Variants in PXDN observed in about 807,000 individuals in gnomAD.
PXDN encodes the protein peroxidasin homolog.
In PXDN, 77 loss-of-function variants were observed where a neutral mutation model predicts 140.3. That is an observed-to-expected ratio of 0.55 (90% confidence interval 0.46 to 0.66). The LOEUF (loss-of-function observed/expected upper bound fraction) is 0.66, where lower values mean the gene tolerates loss of function less well. PXDN is among the 30% of genes least tolerant of loss of function. The probability of loss-of-function intolerance (pLI) is 0.00; values close to 1 mark genes in which losing one functional copy is unlikely to be tolerated. For missense variants in PXDN, 1,838 were observed against 2,039.5 expected (o/e 0.90, Z 1.90); for synonymous variants, 911 against 857.4 (o/e 1.06, Z -1.09).
At chr2:1,693,262 C>T in intron 1 of PXDN, 128 bp from the exon 2 acceptor site, 1 of 682,480 alleles carries the variant, frequency 1.5e-6, no homozygotes, top group East Asian at 2.8e-5. Context: ...TTCACTCCTT[C>T]AATGAATCTT....
In PXDN at chr2:1,693,089, G is replaced by A; in HGVS notation, c.246C>T (p.Phe82=). Residue 82 remains phenylalanine (F), a synonymous_variant, in exon 2 of 23, where the codon TTC becomes TTT. Transcript: ENST00000252804. Reference sequence around the variant, plus strand: ...ATGTGTTCAAGTTCCTCAGCCGCCTGAATGCCCCAGGTTGGATCTCTCTGA... The same window carrying A: ...ATGTGTTCAAGTTCCTCAGCCGCCTAAATGCCCCAGGTTGGATCTCTCTGA... The part of the protein sequence containing the change: ...NRIREIQPGA[F]RRLRNLNTLL... 6.4e-7 allele frequency: 1 copy of A among 1,558,898 alleles called. No homozygotes were observed. Among genetic ancestry groups the A allele is most frequent in the Non-Finnish European group, 8.7e-7 (1 of 1,149,458 alleles).
Position 1,649,252 on chromosome 2 carries a change from T to C in PXDN, c.2528A>G (p.Asp843Gly). 1 of 1,613,100 alleles carries C rather than the reference T, an allele frequency of 6.2e-7. No individual in the cohort carries two copies. The highest frequency in any genetic ancestry group is 8.5e-7 in the Non-Finnish European group (1 of 1,179,746). ...VVALSQARFS[D>G]GQHCSNVCSN... ...GCACACGTTGCTGCAGTGCTGTCCG[T>C]CGGAGAAGCGTGCCTGGCTCAGGGC... Residue 843 changes from aspartate to glycine, a missense_variant, in exon 17 of 23, where the codon GAC becomes GGC. Physicochemically the swap from Asp to Gly is moderately conservative, Grantham distance 94. Transcript: ENST00000252804. The surrounding 1 kb of genome is among the most constrained non-coding windows in gnomAD (Gnocchi z 7.1).
intron 17 of PXDN, among the ~76,000 whole-genome samples, chr2:1,646,818 G>A (rs986148169): frequency 2.0e-5 from 3 of 152,234 alleles, no homozygotes; most frequent in Non-Finnish European, 4.4e-5. Flanking sequence ...CTAATACACA[G>A]TGACCTGTGA....
chr2:1,700,408 T>C (rs6721636), intron 1 of PXDN, among the ~76,000 whole-genome samples: 5,193 of 152,170 alleles, frequency 0.034, 301 homozygotes, highest in African/African-American at 0.12. Flanking sequence ...CATCTTAACA[T>C]GTTACCTAAG....
chr2:1,726,442 G>A (rs544648399), intron 1 of PXDN, among the ~76,000 whole-genome samples: 2 of 137,820 alleles, frequency 1.5e-5, no homozygotes, highest in Non-Finnish European at 3.0e-5. Context: ...GTCGGGGGAG[G>A]GGGGGAGGGA....
At position 1,743,961 on chromosome 2, in the gene PXDN, A is replaced by C. The variant is rs73182754; in HGVS notation, c.200+295T>G. 0.35 allele frequency among the ~76,000 whole-genome samples: 53,826 copies of C among 151,638 alleles called. 10,427 individuals are homozygous for C. The highest frequency in any genetic ancestry group is 0.58 in the East Asian group (2,936 of 5,036). On this transcript the variant is annotated intron_variant, in intron 1 of 22. Coordinates refer to ENST00000252804, the MANE Select transcript of PXDN (RefSeq NM_012293.3). ...GCCCCGGAGGCTCCAACAACTTCCCAGTCCTGCGGGGATTCCGAGTTCCGA... is the reference window on the plus strand; with the variant it reads ...GCCCCGGAGGCTCCAACAACTTCCCCGTCCTGCGGGGATTCCGAGTTCCGA...
intron 21 of PXDN, among the ~76,000 whole-genome samples, chr2:1,637,571 C>A (rs868172349): frequency 9.6e-6 from 1 of 104,620 alleles, no homozygotes; most frequent in South Asian, 3.4e-4. Context: ...AGCTGCCAGG[C>A]GATGTACACC....
rs752175628 is a variant in PXDN, at chr2:1,673,757, G to A, written c.904C>T (p.Leu302=). Residue 302 remains leucine (L), a synonymous_variant, in exon 9 of 23, where the codon CTG becomes TTG. Coordinates refer to ENST00000252804, the MANE Select transcript of PXDN (RefSeq NM_012293.3). ...GTCTCCTGTGTGTTCTGGATCATCA[G>A]GGTCCCATCGTCCAGCAAGTTTAGG... ...SRLNLLDDGT[L]MIQNTQETDQ... 1 of 1,613,988 alleles carries A rather than the reference G, an allele frequency of 6.2e-7. No individual in the cohort carries two copies. Among genetic ancestry groups the A allele is most frequent in the East Asian group, 2.2e-5 (1 of 44,880 alleles).
At position 1,649,221 on chromosome 2, in the gene PXDN, G is replaced by A. The variant is rs566474453; in HGVS notation, c.2559C>T (p.Asn853=). Residue 853 remains asparagine, a synonymous_variant, in exon 17 of 23, where the codon AAC becomes AAT. Transcript: ENST00000252804. This position sits in a 1 kb window ranked among gnomAD's most constrained non-coding sequence, Gnocchi z 7.1. ...DGQHCSNVCS[N]DPPCFSVMIP... is the part of the protein sequence containing the mutation. ...TCATGACAGAGAAGCAGGGGGGGTC[G>A]TTGCTGCACACGTTGCTGCAGTGCT... 10 of 1,612,738 alleles carry A rather than the reference G, an allele frequency of 6.2e-6. No homozygotes were observed. The highest frequency in any genetic ancestry group is 5.0e-5 in the Admixed American group (3 of 59,944).
chr2:1,664,770 T>G, intron 11 of PXDN, 188 bp downstream of exon 11: 1 of 574,032 alleles, frequency 1.7e-6, no homozygotes, highest in Non-Finnish European at 3.1e-6. Context: ...GGGACGGCCA[T>G]GCATGGACAG....
intron 14 of PXDN, among the ~76,000 whole-genome samples, chr2:1,656,114 C>T (rs182137007): frequency 1.8e-3 from 272 of 151,718 alleles, no homozygotes; most frequent in African/African-American, 6.3e-3. Context: ...CAAACACACA[C>T]CCCAAACACC....
At chr2:1,675,527 C>T (rs1394821680) in intron 8 of PXDN, among the ~76,000 whole-genome samples, 2 of 152,166 alleles carry the variant, frequency 1.3e-5, no homozygotes, top group African/African-American at 4.8e-5. Context: ...AGTGACTGCA[C>T]CTTACAGGCT....
At chr2:1,679,415 G>T (rs28622409) in intron 7 of PXDN, among the ~76,000 whole-genome samples, 1 of 135,730 alleles carries the variant, frequency 7.4e-6, no homozygotes, top group South Asian at 2.3e-4. Context: ...TGGTATGTGC[G>T]TGTGTGGTGT....
intron 3 of PXDN, among the ~76,000 whole-genome samples, chr2:1,690,655 A>AG (rs1684164946): frequency 6.6e-6 from 1 of 150,718 alleles, no homozygotes; most frequent in African/African-American, 2.4e-5. Context: ...TACCAAAAAA[A>AG]AAAAAAAAAA....
rs576067741 is a variant in PXDN at position 1,668,095 on chromosome 2, G to A, written c.1019-1609C>T. 2.4e-4 allele frequency among the ~76,000 whole-genome samples: 37 copies of A among 152,248 alleles called. No homozygotes were observed. The East Asian group carries it at 4.1e-3, about 17-fold the overall frequency. On this transcript the variant is annotated intron_variant, in intron 9 of 22. Coordinates refer to ENST00000252804, the MANE Select transcript of PXDN (RefSeq NM_012293.3). ...ACCAAAACAACACGATAGTGCTACC[G>A]AAACAGAGATATAGACAATAGAACA... is the stretch of plus-strand genomic sequence containing the variant.
At chr2:1,702,991 G>GGGCAACTCCAGGTGAAGGTA (rs1684473839) in intron 1 of PXDN, among the ~76,000 whole-genome samples, 1 of 85,570 alleles carries the variant, frequency 1.2e-5, no homozygotes, top group Non-Finnish European at 2.5e-5. Flanking sequence ...CAGGTGAAGG[G>GGGCAACTCCAGGTGAAGGTA]GGGGACAACT....
At position 1,648,642 on chromosome 2, in the gene PXDN, C is replaced by T. The variant is rs147695468; in HGVS notation, c.3138G>A (p.Thr1046=). 515 of 1,610,828 alleles carry T rather than the reference C, an allele frequency of 3.2e-4. 2 individuals are homozygous for T. The African/African-American group carries it at 6.1e-3, about 19-fold the overall frequency. The change falls in exon 17 of 23, where the codon ACG becomes ACA. Residue 1046 remains threonine (T), a synonymous_variant. Transcript: ENST00000252804. The surrounding 1 kb of genome is among the most constrained non-coding windows in gnomAD (Gnocchi z 8.9). ...PKILGEVGMR[T]LGEYHGYDPG... ...GGTCGTAGCCGTGGTACTCTCCCAGCGTCCTCATGCCCACCTCCCCCAGGA... is the reference window on the plus strand; with the variant it reads ...GGTCGTAGCCGTGGTACTCTCCCAGTGTCCTCATGCCCACCTCCCCCAGGA...
chr2:1,729,395 A>G (rs986033100), intron 1 of PXDN, among the ~76,000 whole-genome samples: 58 of 152,058 alleles, frequency 3.8e-4, no homozygotes, highest in South Asian at 4.2e-4. Flanking sequence ...GGTGCATTCT[A>G]TATTAGTCCT....
intron 9 of PXDN, 47 bp downstream of exon 9, chr2:1,673,596 G>A (rs373279502): frequency 3.9e-5 from 61 of 1,571,912 alleles, no homozygotes; most frequent in Non-Finnish European, 4.8e-5. Flanking sequence ...GATAGTGAGG[G>A]ACGACAATTC....
Sources: gnomAD v4.1 joint callset for allele counts (sites outside exome capture counted in the v4.1 genomes callset) on GRCh38, gnomAD v4.1.1 for gene constraint, Gnocchi (gnomAD v3.1) non-coding constraint, MANE v1.5 for transcripts, NCBI Gene and HGNC (gene_info 2026-07-23, HGNC 2026-07-21) for gene names.